PTPRQ: variants seen among roughly 807,000 people sequenced by gnomAD.
PTPRQ encodes protein tyrosine phosphatase receptor type Q.
In PTPRQ, 199 loss-of-function variants were observed where a neutral mutation model predicts 246.0. That is an observed-to-expected ratio of 0.81 (90% CI 0.72 to 0.91). The LOEUF is 0.91. Among genes scored for constraint, PTPRQ ranks in the 40% least tolerant of loss-of-function variants. The pLI is 0.00. For synonymous variants in PTPRQ, 869 were observed against 853.2 expected (o/e 1.02, Z -0.32); for missense variants, 2,624 against 2,528.4 (o/e 1.04, Z -0.81).
intron 33 of PTPRQ, among the ~76,000 whole-genome samples, chr12:80,626,465 A>G (rs563977709): frequency 8.2e-4 from 125 of 152,310 alleles, no homozygotes; most frequent in Middle Eastern, 3.4e-3. Context: ...GATACCTGTC[A>G]TTGTTTATGT....
At position 80,495,030 on chromosome 12, in the gene PTPRQ, A is replaced by T; in HGVS notation, c.1638A>T (p.Val546=). ...LVPFTEHMIS[V]SAFTIMGEGP... ...CTTTCACTGAGCACATGATTAGTGT[A>T]TCTGCTTTCACCATCATGGGAGAAG... is the stretch of plus-strand genomic sequence containing the variant. The change falls in exon 11 of 45, where the codon GTA becomes GTT. Residue 546 remains valine, a synonymous_variant. Transcript: ENST00000644991. 1 of 1,550,574 alleles carries T rather than the reference A, an allele frequency of 6.4e-7. No homozygotes were observed. The highest frequency in any genetic ancestry group is 8.7e-7 in the Non-Finnish European group (1 of 1,146,252).
intron 26 of PTPRQ, 128 bp downstream of exon 26, chr12:80,588,580 A>G: frequency 9.7e-7 from 1 of 1,025,684 alleles, no homozygotes; most frequent in Non-Finnish European, 1.3e-6. Flanking sequence ...GGACACTACC[A>G]TATATAACGA....
intron 24 of PTPRQ, among the ~76,000 whole-genome samples, chr12:80,547,398 T>C (rs904463199): frequency 6.6e-6 from 1 of 152,144 alleles, no homozygotes; most frequent in African/African-American, 2.4e-5. Flanking sequence ...CAATGTTTAT[T>C]GAATGAGCAA....
intron 26 of PTPRQ, among the ~76,000 whole-genome samples, chr12:80,599,972 G>A (rs892013668): frequency 6.6e-6 from 1 of 151,618 alleles, no homozygotes; most frequent in African/African-American, 2.4e-5. Flanking sequence ...GGAAATTTTT[G>A]GCAAAGGATT....
rs888572199 is a variant in PTPRQ at position 80,534,004 on chromosome 12, T to G, written c.2679-11T>G. ...AATTCAATTCTACAGATAATATTCT[T>G]TTTATCTCAGGAATAGATCATCATT... is the stretch of plus-strand genomic sequence containing the variant. On this transcript the variant is annotated splice_polypyrimidine_tract_variant and intron_variant, in intron 17 of 44. Coordinates refer to ENST00000644991, the MANE Select transcript of PTPRQ (RefSeq NM_001145026.2). The G allele has an allele frequency of 6.8e-7, 1 of 1,461,846 alleles. No individual in the cohort carries two copies. Among genetic ancestry groups the G allele is most frequent in the African/African-American group, 1.5e-5 (1 of 68,074 alleles). The allele number at this position is 1,461,846 out of a possible 1,614,324, so 90.6% of individuals were successfully genotyped here.
chr12:80,621,289 A>G lies in PTPRQ; in HGVS notation c.5613-772A>G, dbSNP rs1442594098. ...TTATAAAAATGATATACTACCAAGT[A>G]TCATGTTTATTCATATTTATAGTTT... On this transcript the variant is annotated intron_variant, in intron 32 of 44. Coordinates refer to ENST00000644991, the MANE Select transcript of PTPRQ (RefSeq NM_001145026.2). Among the ~76,000 whole-genome samples the G allele has an allele frequency of 2.0e-5, 3 of 151,958 alleles. No homozygotes were observed. The South Asian group carries it at 6.2e-4, about 31-fold the overall frequency.
At chr12:80,484,286 C>A (rs1894194926) in intron 8 of PTPRQ, 147 bp from the exon 9 acceptor site, 1 of 1,013,010 alleles carries the variant, frequency 9.9e-7, no homozygotes, top group Non-Finnish European at 1.4e-6. Context: ...GGATTACAGC[C>A]ATGAGCCACC....
At chr12:80,523,437 G>A in intron 17 of PTPRQ, among the ~76,000 whole-genome samples, 1 of 152,076 alleles carries the variant, frequency 6.6e-6, no homozygotes. Flanking sequence ...TGCTTCTCTA[G>A]TTCTTTTGAT....
At chr12:80,570,743 T>C (rs568488926) in intron 25 of PTPRQ, among the ~76,000 whole-genome samples, 1 of 152,328 alleles carries the variant, frequency 6.6e-6, no homozygotes, top group African/African-American at 2.4e-5. Context: ...CTTTAATCCA[T>C]CTTGAGTTAA....
At chr12:80,574,188 C>CT (rs940328795) in intron 25 of PTPRQ, among the ~76,000 whole-genome samples, 1 of 152,052 alleles carries the variant, frequency 6.6e-6, no homozygotes, top group Non-Finnish European at 1.5e-5. Context: ...TGTATTAAGG[C>CT]TTTTTTGTCT....
intron 35 of PTPRQ, among the ~76,000 whole-genome samples, chr12:80,643,192 C>T (rs1407137989): frequency 2.6e-5 from 4 of 152,112 alleles, no homozygotes; most frequent in African/African-American, 7.2e-5. Context: ...AATCCCAGCA[C>T]TTTGGGAGGT....
intron 27 of PTPRQ, among the ~76,000 whole-genome samples, chr12:80,605,626 A>G (rs1354474662): frequency 1.3e-5 from 2 of 151,172 alleles, no homozygotes; most frequent in African/African-American, 4.8e-5. Context: ...ATAAAATAAC[A>G]TCAGAGCTAA....
At position 80,634,876 on chromosome 12, in the gene PTPRQ, G is replaced by T. The variant is rs556626235; in HGVS notation, c.5787-69G>T. On this transcript the variant is annotated intron_variant, in intron 34 of 44. Transcript: ENST00000644991. The stretch of plus-strand genomic sequence containing the variant: ...TTGACTAAATGTCTTTACTTAAAAA[G>T]AAAACTAAACCTAATTTTATATACT... The T allele has an allele frequency of 7.2e-5, 109 of 1,510,076 alleles. 2 individuals are homozygous for T. In the South Asian group the frequency reaches 1.2e-3, roughly 16 times the overall value. The allele number at this position is 1,510,076 out of a possible 1,614,324, so 93.5% of individuals were successfully genotyped here. A position where few individuals can be genotyped will look rare whatever the true frequency, so the allele number is the denominator to read the frequency against.
intron 17 of PTPRQ, among the ~76,000 whole-genome samples, chr12:80,514,402 A>ACACACTCTCT (rs552667526): frequency 0.019 from 2,107 of 113,010 alleles, 42 homozygotes; most frequent in African/African-American, 0.051. Flanking sequence ...ACACACACAC[A>ACACACTCTCT]CTCTCTCTCT....
At chr12:80,558,745 C>T (rs1423368954) in intron 25 of PTPRQ, among the ~76,000 whole-genome samples, 2 of 152,046 alleles carry the variant, frequency 1.3e-5, no homozygotes, top group East Asian at 3.9e-4. Context: ...AAATTCACAC[C>T]AACAATGTAT....
At chr12:80,565,980 GT>G (rs1424874492) in intron 25 of PTPRQ, among the ~76,000 whole-genome samples, 1 of 152,068 alleles carries the variant, frequency 6.6e-6, no homozygotes, top group Non-Finnish European at 1.5e-5. Context: ...GCATTTTTTA[GT>G]ATATTAATAA....
At chr12:80,649,006 CA>C (rs1176769270) in intron 36 of PTPRQ, 83 bp downstream of exon 36, 1 of 1,312,412 alleles carries the variant, frequency 7.6e-7, no homozygotes, top group East Asian at 3.0e-5. Flanking sequence ...ATGTGTGATT[CA>C]CTTTTTGTAT....
intron 8 of PTPRQ, among the ~76,000 whole-genome samples, chr12:80,478,000 T>A (rs4643133): frequency 0.053 from 8,035 of 152,270 alleles, 526 homozygotes; most frequent in African/African-American, 0.15. Context: ...CAAAGCAGCC[T>A]GGAAGCTCCA....
intron 26 of PTPRQ, among the ~76,000 whole-genome samples, chr12:80,597,085 A>G (rs540138473): frequency 2.6e-5 from 4 of 151,974 alleles, no homozygotes; most frequent in Admixed American, 2.0e-4. Flanking sequence ...TGACATAGAG[A>G]AGCTATCCAA....
Sources: gnomAD v4.1 joint callset for allele counts (sites outside exome capture counted in the v4.1 genomes callset) on GRCh38, gnomAD v4.1.1 for gene constraint, MANE v1.5 for transcripts, NCBI Gene and HGNC (gene_info 2026-07-23, HGNC 2026-07-21) for gene names.